FANCI: variants seen among roughly 807,000 people sequenced by gnomAD.
FANCI encodes the protein FA complementation group I, also known as Fanconi anemia group I protein.
In FANCI, 156 loss-of-function variants were observed where a neutral mutation model predicts 176.1. The ratio of observed to expected loss-of-function variants is 0.89; its 90% CI spans 0.78 to 1.01. The LOEUF is 1.01. Among genes scored for constraint, FANCI ranks in the 50% least tolerant of loss-of-function variants. The probability of loss-of-function intolerance (pLI) is 0.00; values close to 1 mark genes in which losing one functional copy is unlikely to be tolerated. For synonymous variants in FANCI, 613 were observed against 541.7 expected (o/e 1.13, Z -1.83); for missense variants, 1,678 against 1,534.1 (o/e 1.09, Z -1.57).
chr15:89,246,809 A>G (rs1451200168), intron 1 of FANCI, among the ~76,000 whole-genome samples: 1 of 119,892 alleles, frequency 8.3e-6, no homozygotes, highest in Non-Finnish European at 1.6e-5. Context: ...TCTGTCGCCC[A>G]GGCTGGAGTG....
intron 2 of FANCI, among the ~76,000 whole-genome samples, chr15:89,253,856 AT>A (rs2052378737): frequency 6.6e-6 from 1 of 151,978 alleles, no homozygotes; most frequent in Admixed American, 6.6e-5. Context: ...TAAAAGATAT[AT>A]AAAAATGGCC....
chr15:89,310,069 G>T (rs1567177187), intron 34 of FANCI, among the ~76,000 whole-genome samples: 1 of 152,178 alleles, frequency 6.6e-6, no homozygotes, highest in Non-Finnish European at 1.5e-5. Flanking sequence ...GAATGCCCAA[G>T]AACAGACCAT....
intron 8 of FANCI, 74 bp downstream of exon 8, chr15:89,264,100 T>G: frequency 2.6e-6 from 4 of 1,541,744 alleles, no homozygotes; most frequent in Non-Finnish European, 3.6e-6. Flanking sequence ...ATTCATACCC[T>G]TGGTTTATAT....
chr15:89,282,933 A>G, intron 16 of FANCI: 2 of 593,856 alleles, frequency 3.4e-6, no homozygotes, highest in Non-Finnish European at 6.1e-6. Context: ...TAAGTATTGA[A>G]AAAAGTCAGT....
chr15:89,307,729 C>A, intron 34 of FANCI, 57 bp downstream of exon 34: 1 of 1,613,848 alleles, frequency 6.2e-7, no homozygotes, highest in Non-Finnish European at 8.5e-7. Context: ...TCTTACATGC[C>A]CAGGGGACTA....
chr15:89,261,055 G>C (rs1161547915), intron 4 of FANCI, among the ~76,000 whole-genome samples: 3 of 152,082 alleles, frequency 2.0e-5, no homozygotes. Context: ...CTTGAGCTCA[G>C]GAGTTTGAGA....
Position 89,293,006 on chromosome 15 carries a change from T to C in FANCI, c.2234T>C (p.Leu745Pro). ...ATAAAAAATAATATCTGTGCTTTTCTTGTGATGGGAGTTTGTGAGGTTTTA... is the reference window on the plus strand; with the variant it reads ...ATAAAAAATAATATCTGTGCTTTTCCTGTGATGGGAGTTTGTGAGGTTTTA... ...IGIKNNICAF[L>P]VMGVCEVLIE... The change falls in exon 22 of 38, where the codon CTT (leucine) becomes CCT (proline). Residue 745 changes from leucine to proline, a missense_variant. Leu to Pro is a moderately conservative substitution (Grantham distance 98). Around this residue, in one of 3 missense-constraint regions of FANCI, gnomAD observed 1,204 missense variants for 1,077.4 expected, o/e 1.12. Coordinates refer to ENST00000310775, the MANE Select transcript of FANCI (RefSeq NM_001113378.2). The C allele has an allele frequency of 1.9e-6, 3 of 1,614,070 alleles. No individual in the cohort carries two copies. Among genetic ancestry groups the C allele is most frequent in the Non-Finnish European group, 2.5e-6 (3 of 1,179,960 alleles).
chr15:89,283,744 A>C (rs28687599), intron 17 of FANCI, among the ~76,000 whole-genome samples: 1 of 151,264 alleles, frequency 6.6e-6, no homozygotes, highest in Non-Finnish European at 1.5e-5. Context: ...TTTGTGGTTC[A>C]TATTATATTT....
chr15:89,285,370 T>G (rs950123857), intron 18 of FANCI, 152 bp downstream of exon 18: 96 of 1,075,080 alleles, frequency 8.9e-5, no homozygotes, highest in Non-Finnish European at 1.2e-4. Flanking sequence ...AAAAGTTGTT[T>G]AAGGCAGGGC....
intron 35 of FANCI, among the ~76,000 whole-genome samples, chr15:89,313,900 T>TACACACACACAC (rs34352725): frequency 2.1e-5 from 3 of 142,732 alleles, no homozygotes; most frequent in South Asian, 2.2e-4. Context: ...GGGTTAAAAA[T>TACACACACACAC]ACACACACAC....
chr15:89,278,899 A>G (rs1317246639), intron 14 of FANCI, 125 bp downstream of exon 14: 7 of 714,762 alleles, frequency 9.8e-6, no homozygotes, highest in African/African-American at 1.8e-5. Context: ...TAGGATGCCA[A>G]TAAAGGAAAT....
intron 24 of FANCI, among the ~76,000 whole-genome samples, chr15:89,297,147 C>CT (rs2054323041): frequency 6.6e-6 from 1 of 150,510 alleles, no homozygotes; most frequent in Non-Finnish European, 1.5e-5. Context: ...GGCAGGGCTC[C>CT]TCACTTCTCA....
chr15:89,316,136 T>C (rs752648954), intron 37 of FANCI, among the ~76,000 whole-genome samples: 48 of 152,230 alleles, frequency 3.2e-4, no homozygotes, highest in South Asian at 8.3e-4. Context: ...CAATGGCTTC[T>C]TCTCTTGTCA....
chr15:89,247,758 A>G (rs1258492687), intron 2 of FANCI, 27 bp downstream of exon 2: 1 of 1,597,002 alleles, frequency 6.3e-7, no homozygotes, highest in Admixed American at 1.7e-5. Context: ...ATGTTCTGCT[A>G]AAAGTAAATG....
Position 89,305,327 on chromosome 15 carries a change from C to A in FANCI, c.3187-14C>A. On this transcript the variant is annotated splice_polypyrimidine_tract_variant and intron_variant, in intron 29 of 37. Coordinates refer to ENST00000310775, the MANE Select transcript of FANCI (RefSeq NM_001113378.2). ...CTTACTGTCATTAGGTCTCACCTCT[C>A]TTCTTTTCCCCAGGATGTAGAGGTG... The A allele has an allele frequency of 6.2e-7, 1 of 1,614,198 alleles. No individual in the cohort carries two copies. The highest frequency in any genetic ancestry group is 8.5e-7 in the Non-Finnish European group (1 of 1,180,040).
chr15:89,307,276 A>G (rs1394359025), intron 32 of FANCI, among the ~76,000 whole-genome samples, 200 bp from the exon 33 acceptor site: 1 of 152,244 alleles, frequency 6.6e-6, no homozygotes, highest in Non-Finnish European at 1.5e-5. Flanking sequence ...CAAATCAGAA[A>G]CAAACCCTTC....
intron 24 of FANCI, among the ~76,000 whole-genome samples, chr15:89,295,400 T>A (rs529339812): frequency 6.8e-6 from 1 of 146,440 alleles, no homozygotes; most frequent in Non-Finnish European, 1.5e-5. Flanking sequence ...ACATGGCAGC[T>A]CATGCCTGTA....
intron 34 of FANCI, among the ~76,000 whole-genome samples, chr15:89,311,204 AGAT>A: frequency 6.6e-6 from 1 of 152,110 alleles, no homozygotes; most frequent in Admixed American, 6.5e-5. Flanking sequence ...GGTTGCAGTG[AGAT>A]GAGATCACAC....
chr15:89,261,898 A>G lies in FANCI; in HGVS notation c.503+20A>G. On this transcript the variant is annotated intron_variant, in intron 6 of 37. Coordinates refer to ENST00000310775, the MANE Select transcript of FANCI (RefSeq NM_001113378.2). Reference sequence around the variant, plus strand: ...TGGCAGGTGAGTCTTGTTAATATGTATAACTTTCTTAGGAATACAAGTGGC... The same window carrying G: ...TGGCAGGTGAGTCTTGTTAATATGTGTAACTTTCTTAGGAATACAAGTGGC... 2 of 1,612,670 alleles carry G rather than the reference A, an allele frequency of 1.2e-6. No individual in the cohort carries two copies. The highest frequency in any genetic ancestry group is 2.2e-5 in the East Asian group (1 of 44,852).
Sources: gnomAD v4.1 joint callset for allele counts (sites outside exome capture counted in the v4.1 genomes callset) on GRCh38, gnomAD v4.1.1 for gene constraint, gnomAD v4.1.1 regional missense constraint, MANE v1.5 for transcripts, NCBI Gene and HGNC (gene_info 2026-07-23, HGNC 2026-07-21) for gene names.